Variants in UNC5D observed in about 807,000 individuals in gnomAD.
UNC5D encodes the protein unc-5 netrin receptor D.
Under a neutral mutation model 105.4 loss-of-function variants are expected in UNC5D, and 39 were observed. That is an observed-to-expected ratio of 0.37 (90% CI 0.29 to 0.48). The LOEUF (loss-of-function observed/expected upper bound fraction) is 0.48, where lower values mean the gene tolerates loss of function less well. Among genes scored for constraint, UNC5D ranks in the 20% least tolerant of loss-of-function variants. UNC5D has a pLI of 0.98. For synonymous variants in UNC5D, 452 were observed against 450.4 expected, an observed-to-expected ratio of 1.00 and a Z score of -0.04; for missense variants, 991 against 1,202.4, an observed-to-expected ratio of 0.82 and a Z score of 2.60.
chr8:35,567,050 AT>A (rs1817393224), intron 2 of UNC5D, among the ~76,000 whole-genome samples: 1 of 151,552 alleles, frequency 6.6e-6, no homozygotes, highest in Non-Finnish European at 1.5e-5. Flanking sequence ...AATTTGTTTA[AT>A]TTTAGAAGGA....
At chr8:35,449,901 C>T (rs1468599259) in intron 1 of UNC5D, among the ~76,000 whole-genome samples, 1 of 152,288 alleles carries the variant, frequency 6.6e-6, no homozygotes, top group East Asian at 1.9e-4. Flanking sequence ...ATCCATTCAG[C>T]ATGACCTACC....
intron 1 of UNC5D, among the ~76,000 whole-genome samples, chr8:35,290,250 A>T (rs1475308347): frequency 6.6e-6 from 1 of 152,190 alleles, no homozygotes; most frequent in Non-Finnish European, 1.5e-5. Flanking sequence ...CAACCTAAGC[A>T]TCCATCAGTG....
At chr8:35,369,163 G>A (rs192513376) in intron 1 of UNC5D, among the ~76,000 whole-genome samples, 1 of 152,160 alleles carries the variant, frequency 6.6e-6, no homozygotes, top group Non-Finnish European at 1.5e-5. Flanking sequence ...AGTGTTGGTG[G>A]TGAGTATACT....
intron 7 of UNC5D, among the ~76,000 whole-genome samples, chr8:35,702,490 G>T (rs1341542089): frequency 6.6e-6 from 1 of 151,946 alleles, no homozygotes; most frequent in Non-Finnish European, 1.5e-5. Flanking sequence ...GGCCCTAATG[G>T]ATTAATTTAC....
At chr8:35,645,936 C>T (rs924801402) in intron 4 of UNC5D, among the ~76,000 whole-genome samples, 1 of 152,148 alleles carries the variant, frequency 6.6e-6, no homozygotes, top group East Asian at 1.9e-4. Flanking sequence ...CACACACACA[C>T]TCCTTTACTC....
intron 4 of UNC5D, among the ~76,000 whole-genome samples, chr8:35,639,371 A>G (rs1396884108): frequency 2.0e-5 from 3 of 152,214 alleles, no homozygotes; most frequent in African/African-American, 4.8e-5. Context: ...CCAAAAATTA[A>G]TTCAATTGTT....
At chr8:35,374,414 C>A (rs1372215613) in intron 1 of UNC5D, among the ~76,000 whole-genome samples, 1 of 152,154 alleles carries the variant, frequency 6.6e-6, no homozygotes, top group African/African-American at 2.4e-5. Context: ...ACTATGAAAG[C>A]AGTCTCCTTA....
intron 16 of UNC5D, among the ~76,000 whole-genome samples, chr8:35,790,006 TGG>T (rs953521569): frequency 6.6e-6 from 1 of 151,874 alleles, no homozygotes; most frequent in African/African-American, 2.4e-5. Context: ...CCCAACATTT[TGG>T]GAGGCTGAGG....
intron 4 of UNC5D, among the ~76,000 whole-genome samples, chr8:35,637,081 T>A (rs1252794072): frequency 6.6e-6 from 1 of 152,204 alleles, no homozygotes; most frequent in Non-Finnish European, 1.5e-5. Flanking sequence ...AGGAACATAG[T>A]ACAATTCATT....
intron 1 of UNC5D, among the ~76,000 whole-genome samples, chr8:35,381,342 GC>G (rs1803031662): frequency 6.6e-6 from 1 of 152,024 alleles, no homozygotes; most frequent in African/African-American, 2.4e-5. Context: ...CTCTTCCAGG[GC>G]CCTGAATCCT....
At chr8:35,726,042 G>T in intron 9 of UNC5D, 110 bp from the exon 10 acceptor site, 1 of 1,411,408 alleles carries the variant, frequency 7.1e-7, no homozygotes, top group Non-Finnish European at 9.5e-7. Flanking sequence ...AGCTTGGATT[G>T]GAACTGCTGG....
At chr8:35,741,185 T>C (rs1829742309) in intron 11 of UNC5D, among the ~76,000 whole-genome samples, 1 of 152,216 alleles carries the variant, frequency 6.6e-6, no homozygotes, top group Admixed American at 6.5e-5. Flanking sequence ...TCCTTTAGTA[T>C]ATTAATTGGT....
In UNC5D at chr8:35,642,964, C is replaced by T. The variant is rs573049659; in HGVS notation, c.571-40583C>T. Among the ~76,000 whole-genome samples, 308 of 152,202 alleles carry T rather than the reference C, an allele frequency of 2.0e-3. 2 individuals are homozygous for T. Among genetic ancestry groups the T allele is most frequent in the African/African-American group, 7.1e-3 (294 of 41,518 alleles). On this transcript the variant is annotated intron_variant, in intron 4 of 16. Coordinates refer to ENST00000404895, the MANE Select transcript of UNC5D (RefSeq NM_080872.4). ...TTTTGTTGAACAGTGTTAATGCCCA[C>T]GGAGCAGGCTTAGAAACATGCTAGG...
chr8:35,460,547 G>T (rs1217048277), intron 1 of UNC5D, among the ~76,000 whole-genome samples: 1 of 152,164 alleles, frequency 6.6e-6, no homozygotes, highest in Non-Finnish European at 1.5e-5. Context: ...CCAAGGAAAT[G>T]CAATAGCTAC....
chr8:35,730,246 G>A (rs144319254), intron 10 of UNC5D, among the ~76,000 whole-genome samples: 27 of 152,278 alleles, frequency 1.8e-4, no homozygotes, highest in African/African-American at 5.3e-4. Context: ...TCTTCACAGC[G>A]TTTTAGAGGA....
At chr8:35,360,216 A>G (rs16883869) in intron 1 of UNC5D, among the ~76,000 whole-genome samples, 3,929 of 152,214 alleles carry the variant, frequency 0.026, 172 homozygotes, top group African/African-American at 0.091. Flanking sequence ...GATGCTGTGC[A>G]TATCTCACCA....
At chr8:35,457,589 G>A (rs542946993) in intron 1 of UNC5D, among the ~76,000 whole-genome samples, 1 of 152,274 alleles carries the variant, frequency 6.6e-6, no homozygotes, top group East Asian at 1.9e-4. Flanking sequence ...TGTCTTTGAT[G>A]TGGGTGCTAC....
chr8:35,455,974 C>G, intron 1 of UNC5D, among the ~76,000 whole-genome samples: 1 of 152,110 alleles, frequency 6.6e-6, no homozygotes, highest in East Asian at 1.9e-4. Flanking sequence ...AACCATATCC[C>G]TTGTAAAAAG....
chr8:35,569,258 C>T (rs1443515241), intron 3 of UNC5D, among the ~76,000 whole-genome samples: 1 of 152,120 alleles, frequency 6.6e-6, no homozygotes, highest in Admixed American at 6.5e-5. Flanking sequence ...CATGGATCCC[C>T]ATAAAACCTC....
Sources: gnomAD v4.1 joint callset for allele counts (sites outside exome capture counted in the v4.1 genomes callset) on GRCh38, gnomAD v4.1.1 for gene constraint, MANE v1.5 for transcripts, NCBI Gene and HGNC (gene_info 2026-07-23, HGNC 2026-07-21) for gene names.